Variants in DNAH8 observed in about 807,000 individuals in gnomAD.
DNAH8 encodes axonemal beta dynein heavy chain 8.
In DNAH8, 382 loss-of-function variants were observed where a neutral mutation model predicts 562.1. That is an observed-to-expected ratio of 0.68 (90% CI 0.63 to 0.74). The LOEUF is 0.74. Ranked by LOEUF, DNAH8 falls within the 30% of genes least tolerant of loss-of-function variation. The probability of loss-of-function intolerance (pLI) is 0.00; values close to 1 mark genes in which losing one functional copy is unlikely to be tolerated. For missense variants in DNAH8, 5,203 were observed against 5,620.4 expected (o/e 0.93, Z 2.37); for synonymous variants, 1,881 against 1,919.4 (o/e 0.98, Z 0.52).
At chr6:38,926,945 G>T (rs1388575334) in intron 74 of DNAH8, among the ~76,000 whole-genome samples, 1 of 152,242 alleles carries the variant, frequency 6.6e-6, no homozygotes, top group Non-Finnish European at 1.5e-5. Flanking sequence ...TGTCTTGTTT[G>T]CACTCATGTT....
At chr6:38,978,837 T>A (rs888304658) in intron 85 of DNAH8, among the ~76,000 whole-genome samples, 3 of 152,170 alleles carry the variant, frequency 2.0e-5, no homozygotes, top group African/African-American at 4.8e-5. Context: ...TAGTTCAGAG[T>A]TTTGTATATT....
intron 80 of DNAH8, 124 bp downstream of exon 80, chr6:38,945,712 T>C (rs2150616350): frequency 7.6e-7 from 1 of 1,307,646 alleles, no homozygotes; most frequent in Middle Eastern, 2.4e-4. Context: ...TAGTTTGGAT[T>C]TGAGGCTCTG....
rs1233605245 is a variant in DNAH8, at chr6:38,815,521, G to T, written c.3387G>T (p.Gln1129His). ...DIQQAINRMI[Q>H]LTLEVSRGVA... ...AACAAGCCATTAACCGTATGATCCA[G>T]TTAACCCTGGAGGTCAGCAGAGGAG... The change falls in exon 26 of 93, where the codon CAG (glutamine) becomes CAT (histidine). Residue 1129 changes from glutamine to histidine, a missense_variant. By Grantham distance (24) the Gln-to-His change is conservative. Around this residue, in one of 6 missense-constraint regions of DNAH8, gnomAD observed 2,176 missense variants for 2,365.1 expected, o/e 0.92. Coordinates refer to ENST00000327475, the MANE Select transcript of DNAH8 (RefSeq NM_001206927.2). The T allele has an allele frequency of 1.2e-6, 2 of 1,613,926 alleles. No homozygotes were observed. The highest frequency in any genetic ancestry group is 3.3e-5 in the Admixed American group (2 of 59,992).
chr6:38,733,186 C>T (rs1257523540), intron 4 of DNAH8, among the ~76,000 whole-genome samples: 1 of 148,528 alleles, frequency 6.7e-6, no homozygotes, highest in African/African-American at 2.4e-5. Flanking sequence ...GATGCTGCAC[C>T]TGGCCAATTT....
intron 26 of DNAH8, among the ~76,000 whole-genome samples, chr6:38,821,244 C>T (rs144194964): frequency 1.6e-3 from 238 of 152,104 alleles, no homozygotes; most frequent in African/African-American, 5.5e-3. Context: ...CAATTTAATG[C>T]ACAAAAGCAA....
chr6:38,861,644 A>T (rs1294206516), intron 43 of DNAH8, among the ~76,000 whole-genome samples: 1 of 151,964 alleles, frequency 6.6e-6, no homozygotes, highest in East Asian at 1.9e-4. Flanking sequence ...TGCAACCTCC[A>T]CCTCTACCTC....
chr6:38,893,690 A>G (rs556582201), intron 58 of DNAH8, among the ~76,000 whole-genome samples: 20 of 152,316 alleles, frequency 1.3e-4, no homozygotes, highest in Admixed American at 1.0e-3. Flanking sequence ...TCCCCATGCT[A>G]CTTGCTGTTT....
chr6:38,951,631 C>T (rs186562188), intron 82 of DNAH8, 111 bp downstream of exon 82: 937 of 915,270 alleles, frequency 1.0e-3, no homozygotes, highest in Middle Eastern at 4.7e-3. Flanking sequence ...AAACTGAATT[C>T]GAAAAATATT....
At chr6:38,828,549 G>C (rs1200566284) in intron 30 of DNAH8, among the ~76,000 whole-genome samples, 2 of 152,112 alleles carry the variant, frequency 1.3e-5, no homozygotes, top group Non-Finnish European at 2.9e-5. Flanking sequence ...ATGCTGTAGA[G>C]GTTTGTAGCC....
chr6:38,723,193 G>A lies in DNAH8; in HGVS notation c.384G>A (p.Glu128=). 6.2e-7 allele frequency: 1 copy of A among 1,606,388 alleles called. No individual in the cohort carries two copies. Among genetic ancestry groups the A allele is most frequent in the Non-Finnish European group, 8.5e-7 (1 of 1,177,378 alleles). Residue 128 remains glutamate (E), a synonymous_variant, in exon 2 of 93, where the codon GAG becomes GAA. Transcript: ENST00000327475. ...CCAATCTACAGGAAACATTAAAAGA[G>A]AGACAGGTTTGCTTCTAATACGATT... ...GLPNLQETLK[E]RQARFREARE... is the part of the protein sequence containing the mutation.
chr6:38,908,048 CT>C lies in DNAH8; in HGVS notation c.9444del (p.Phe3148LeufsTer34). On this transcript the variant is annotated frameshift_variant, in exon 64 of 93. Coordinates refer to ENST00000327475, the MANE Select transcript of DNAH8 (RefSeq NM_001206927.2). LOFTEE classifies it high-confidence loss of function. ...GGGAGCTACCTCGCCATCCTCCTAC[CT>C]TTGATAATTTGTATGAATACTTCAT... Reference protein sequence around the residue: ...KRELPRHPPTFDNLYEYFISR... With the variant: ...KRELPRHPPTXDNLYEYFISR... 6.2e-7 allele frequency: 1 copy of C among 1,611,952 alleles called. No individual in the cohort carries two copies. The highest frequency in any genetic ancestry group is 8.5e-7 in the Non-Finnish European group (1 of 1,178,914).
rs751452482 is a variant in DNAH8 at position 38,853,276 on chromosome 6, A to G, written c.5662A>G (p.Arg1888Gly). The change falls in exon 41 of 93, where the codon AGA becomes GGA. Residue 1888 changes from arginine to glycine, a missense_variant. Arg to Gly is a moderately radical substitution (Grantham distance 125). Around this residue, in one of 6 missense-constraint regions of DNAH8, gnomAD observed 2,176 missense variants for 2,365.1 expected, o/e 0.92. Coordinates refer to ENST00000327475, the MANE Select transcript of DNAH8 (RefSeq NM_001206927.2). Reference protein sequence around the residue: ...MQMSSLHNIIRSAFYQISDSG... With the variant: ...MQMSSLHNIIGSAFYQISDSG... The stretch of plus-strand genomic sequence containing the variant: ...GATGTCATCATTACATAATATAATT[A>G]GATCCGCTTTCTATCAAATCAGTGA... The G allele has an allele frequency of 4.3e-6, 7 of 1,613,438 alleles. No individual in the cohort carries two copies. Among genetic ancestry groups the G allele is most frequent in the Non-Finnish European group, 4.2e-6 (5 of 1,179,656 alleles).
intron 81 of DNAH8, among the ~76,000 whole-genome samples, chr6:38,950,741 G>A (rs1761843697): frequency 6.6e-6 from 1 of 151,714 alleles, no homozygotes; most frequent in Non-Finnish European, 1.5e-5. Flanking sequence ...GCCTGGCCAG[G>A]GCTACTTAGT....
At chr6:38,940,695 C>T (rs1176402556) in intron 79 of DNAH8, among the ~76,000 whole-genome samples, 1 of 152,180 alleles carries the variant, frequency 6.6e-6, no homozygotes, top group Non-Finnish European at 1.5e-5. Context: ...GCCAGACACA[C>T]AGCCACATCT....
chr6:38,772,756 CAT>C (rs537535845), intron 12 of DNAH8, among the ~76,000 whole-genome samples: 42 of 151,912 alleles, frequency 2.8e-4, no homozygotes, highest in African/African-American at 9.6e-4. Context: ...TTTTTAATGT[CAT>C]ATCTAAGGAA....
In DNAH8 at chr6:39,030,661, A is replaced by G. The variant is rs1767614742; in HGVS notation, c.*269A>G. 1 of 360,926 alleles carries G rather than the reference A, an allele frequency of 2.8e-6. No individual in the cohort carries two copies. Among genetic ancestry groups the G allele is most frequent in the South Asian group, 4.0e-5 (1 of 24,764 alleles). The allele number at this position is 360,926 out of a possible 1,614,324, so 22.4% of individuals were successfully genotyped here. On this transcript the variant is annotated 3_prime_UTR_variant, in exon 93 of 93. Coordinates refer to ENST00000327475, the MANE Select transcript of DNAH8 (RefSeq NM_001206927.2). ...AGATAAAACCCTGTTTGGATGTTAG[A>G]ACACTTTGGAAGCTCTGAATTTTAA...
intron 11 of DNAH8, among the ~76,000 whole-genome samples, chr6:38,767,309 C>T (rs1417510865): frequency 2.0e-5 from 3 of 152,092 alleles, no homozygotes; most frequent in African/African-American, 7.2e-5. Flanking sequence ...TGGTGGCAGG[C>T]TCCTGTAGTC....
In DNAH8 at chr6:39,030,259, T is replaced by C; in HGVS notation, c.13991T>C (p.Leu4664Pro). The change falls in exon 93 of 93, where the codon CTG (leucine) becomes CCG (proline). Residue 4664 changes from leucine (L) to proline (P), a missense_variant. Physicochemically the swap from Leu to Pro is moderately conservative, Grantham distance 98 (BLOSUM62 -3). Around this residue, in one of 6 missense-constraint regions of DNAH8, gnomAD observed 1,399 missense variants for 1,518.4 expected, o/e 0.92. Coordinates refer to ENST00000327475, the MANE Select transcript of DNAH8 (RefSeq NM_001206927.2). ...TCCACGGCACCCAAGGACCCCAAGC[T>C]GTATGTGTGTCCTATTTACAAGAAA... ...INSTAPKDPK[L>P]YVCPIYKKPR... is the part of the protein sequence containing the mutation. 6.2e-7 allele frequency: 1 copy of C among 1,614,160 alleles called. No individual in the cohort carries two copies. Among genetic ancestry groups the C allele is most frequent in the Non-Finnish European group, 8.5e-7 (1 of 1,180,030 alleles).
chr6:38,872,496 T>C, intron 49 of DNAH8, 40 bp from the exon 50 acceptor site: 1 of 1,594,226 alleles, frequency 6.3e-7, no homozygotes, highest in Admixed American at 1.7e-5. Flanking sequence ...AGCAAGAGAC[T>C]CATAAATTAC....
Sources: allele counts gnomAD v4.1 joint callset (sites outside exome capture counted in the v4.1 genomes callset), GRCh38; gene constraint gnomAD v4.1.1; regional missense constraint gnomAD v4.1.1; transcripts MANE v1.5; gene names NCBI Gene and HGNC (gene_info 2026-07-23, HGNC 2026-07-21).